Variants in SYT7 observed in about 807,000 individuals in gnomAD.
SYT7 encodes the protein synaptotagmin 7, also known as synaptotagmin-7.
Under a neutral mutation model 75.1 loss-of-function variants are expected in SYT7, and 29 were observed. The ratio of observed to expected loss-of-function variants is 0.39; its 90% confidence interval spans 0.29 to 0.53. The LOEUF is 0.53. SYT7 is among the 20% of genes least tolerant of loss of function. SYT7 has a pLI of 0.77. For missense variants in SYT7, 693 were observed against 953.2 expected (o/e 0.73, Z 3.59); for synonymous variants, 376 against 401.7 (o/e 0.94, Z 0.76).
chr11:61,517,822 A>T lies in SYT7; in HGVS notation c.*805T>A. 8.0e-5 allele frequency: 17 copies of T among 212,670 alleles called. No individual in the cohort carries two copies. Among genetic ancestry groups the T allele is most frequent in the Non-Finnish European group, 1.4e-4 (16 of 112,662 alleles). 13.2% of individuals were successfully genotyped at this position (212,670 alleles called of 1,614,324 possible). Reference sequence around the variant, plus strand: ...GGGAACTACTTCAGATTCTGAGCAGAGGGGGGCACCAAGGGGAGAAGGGGA... The same window carrying T: ...GGGAACTACTTCAGATTCTGAGCAGTGGGGGGCACCAAGGGGAGAAGGGGA... On this transcript the variant is annotated 3_prime_UTR_variant, in exon 13 of 13. Transcript: ENST00000539008.
At chr11:61,527,335 GTTA>G (rs1451194764) in intron 9 of SYT7, among the ~76,000 whole-genome samples, 1 of 152,210 alleles carries the variant, frequency 6.6e-6, no homozygotes, top group African/African-American at 2.4e-5. Context: ...AACCCTCGCT[GTTA>G]TTATCTCTAT....
rs988163029 is a variant in SYT7 at position 61,580,165 on chromosome 11, C to T, written c.31+625G>A. Reference sequence around the variant, plus strand: ...TTCCCCCTCCCCAAACCTAGGAGAACATTCTCTTGGCACCCCCATTCTCAT... The same window carrying T: ...TTCCCCCTCCCCAAACCTAGGAGAATATTCTCTTGGCACCCCCATTCTCAT... On this transcript the variant is annotated intron_variant, in intron 1 of 12. Transcript: ENST00000539008. The surrounding 1 kb of genome is among the most constrained non-coding windows in gnomAD (Gnocchi z 6.1). Among the ~76,000 whole-genome samples the T allele has an allele frequency of 1.3e-5, 2 of 150,644 alleles. No homozygotes were observed. Among genetic ancestry groups the T allele is most frequent in the Non-Finnish European group, 3.0e-5 (2 of 67,714 alleles).
At chr11:61,543,301 G>C (rs2063099781) in intron 5 of SYT7, among the ~76,000 whole-genome samples, 1 of 152,186 alleles carries the variant, frequency 6.6e-6, no homozygotes. Flanking sequence ...ACTGGACCAA[G>C]AAAGAGTGCA....
At chr11:61,543,658 G>A (rs1307478742) in intron 5 of SYT7, among the ~76,000 whole-genome samples, 1 of 152,222 alleles carries the variant, frequency 6.6e-6, no homozygotes. Flanking sequence ...TTGCCATGAG[G>A]ATCTAATGAG....
chr11:61,588,201 G>A, the SYT7 span, among the ~76,000 whole-genome samples: 1 of 152,168 alleles, frequency 6.6e-6, no homozygotes, highest in African/African-American at 2.4e-5. Context: ...GAGCTGCTGG[G>A]CTCCTTGGTT....
At chr11:61,537,346 C>T (rs1228049202) in intron 7 of SYT7, among the ~76,000 whole-genome samples, 2 of 151,982 alleles carry the variant, frequency 1.3e-5, no homozygotes, top group Non-Finnish European at 2.9e-5. Flanking sequence ...CCCACCCCCT[C>T]CCTGAGACGG....
At chr11:61,559,546 C>T (rs1207791768) in intron 1 of SYT7, among the ~76,000 whole-genome samples, 1 of 152,090 alleles carries the variant, frequency 6.6e-6, no homozygotes, top group Non-Finnish European at 1.5e-5. Context: ...GTTTCACAAG[C>T]TCATGATCTG....
intron 1 of SYT7, among the ~76,000 whole-genome samples, chr11:61,574,038 A>C (rs575815281): frequency 3.3e-5 from 5 of 152,318 alleles, no homozygotes; most frequent in South Asian, 2.1e-4. Flanking sequence ...ATGGTAACCT[A>C]ACTGACACTG....
At chr11:61,522,818 C>T (rs2062387114) in intron 12 of SYT7, among the ~76,000 whole-genome samples, 1 of 152,316 alleles carries the variant, frequency 6.6e-6, no homozygotes, top group Middle Eastern at 3.4e-3. Context: ...TCTTGCACTC[C>T]TTTTCTCCCT....
Position 61,518,863 on chromosome 11 carries a change from A to G in SYT7, c.1957-132T>C. Reference sequence around the variant, plus strand: ...CCCCCAGCCTCCACATGCTGTGACAACCTACCCCACAGAGGCGCTCTCCTC... The same window carrying G: ...CCCCCAGCCTCCACATGCTGTGACAGCCTACCCCACAGAGGCGCTCTCCTC... On this transcript the variant is annotated intron_variant, in intron 12 of 12. Transcript: ENST00000539008. 3 of 536,452 alleles carry G rather than the reference A, an allele frequency of 5.6e-6. No individual in the cohort carries two copies. The South Asian group carries it at 1.1e-4, about 21-fold the overall frequency. The allele number at this position is 536,452 out of a possible 1,614,324, so 33.2% of individuals were successfully genotyped here.
At position 61,562,349 on chromosome 11, in the gene SYT7, T is replaced by A. The variant is rs1216849684; in HGVS notation, c.32-6142A>T. Among the ~76,000 whole-genome samples the A allele has an allele frequency of 4.6e-5, 7 of 152,330 alleles. No individual in the cohort carries two copies. The East Asian group carries it at 1.3e-3, about 29-fold the overall frequency. ...TCTGATTCTTCCAAGCCATGTAACC[T>A]AATCTCTGTGTGCCTTGGTTTCCCC... On this transcript the variant is annotated intron_variant, in intron 1 of 12. Coordinates refer to ENST00000539008, the MANE Select transcript of SYT7 (RefSeq NM_001365809.2).
chr11:61,557,043 C>T (rs779486206), intron 1 of SYT7, among the ~76,000 whole-genome samples: 3 of 152,236 alleles, frequency 2.0e-5, no homozygotes, highest in Non-Finnish European at 2.9e-5. Flanking sequence ...ACCCCTTCCC[C>T]GGCTGTGTGG....
intron 6 of SYT7, among the ~76,000 whole-genome samples, chr11:61,539,228 G>A (rs528920757): frequency 4.9e-4 from 74 of 152,338 alleles, no homozygotes; most frequent in Admixed American, 1.9e-3. Flanking sequence ...AGGCTGAACG[G>A]GGAGGGGGTA....
At chr11:61,586,350 C>G in the SYT7 span, among the ~76,000 whole-genome samples, 4 of 152,212 alleles carry the variant, frequency 2.6e-5, no homozygotes, top group African/African-American at 9.6e-5. Flanking sequence ...CATTCCCTAC[C>G]CCTTGGGCAG....
Position 61,523,007 on chromosome 11 carries a change from T to G in SYT7, c.1956+68A>C, listed in dbSNP as rs1343761850. 6.5e-7 allele frequency: 1 copy of G among 1,549,710 alleles called. No homozygotes were observed. Among genetic ancestry groups the G allele is most frequent in the Non-Finnish European group, 8.9e-7 (1 of 1,124,018 alleles). ...GCCTGTGCCCGTCCACTACCCCCGC[T>G]GCTTCTTTTAAGGAACGGAGCCTCA... On this transcript the variant is annotated intron_variant, in intron 12 of 12. Transcript: ENST00000539008. The surrounding 1 kb of genome is among the most constrained non-coding windows in gnomAD (Gnocchi z 5.0).
chr11:61,546,769 C>T lies in SYT7; in HGVS notation c.347+408G>A. 2.6e-6 allele frequency: 1 copy of T among 390,590 alleles called. No individual in the cohort carries two copies. The highest frequency in any genetic ancestry group is 1.9e-5 in the South Asian group (1 of 53,838). 24.2% of individuals were successfully genotyped at this position (390,590 alleles called of 1,614,324 possible). A position where few individuals can be genotyped will look rare whatever the true frequency, so the allele number is the denominator to read the frequency against. On this transcript the variant is annotated intron_variant, in intron 4 of 12. Coordinates refer to ENST00000539008, the MANE Select transcript of SYT7 (RefSeq NM_001365809.2). The surrounding 1 kb of genome is among the most constrained non-coding windows in gnomAD (Gnocchi z 7.6). ...GCCACCACCGCCACGAACCACCGAC[C>T]ACCGACCACCGACCACCGAGCAGCC...
chr11:61,513,817 C>T lies in SYT7; in HGVS notation c.*4810G>A, dbSNP rs2062101034. ...CAGGGGGCTCACAATCTACACAAGA[C>T]ACGACACATACACGCAGGACACAGA... On this transcript the variant is annotated 3_prime_UTR_variant, in exon 13 of 13. Coordinates refer to ENST00000539008, the MANE Select transcript of SYT7 (RefSeq NM_001365809.2). Among the ~76,000 whole-genome samples the T allele has an allele frequency of 6.6e-6, 1 of 152,208 alleles. No individual in the cohort carries two copies. Among genetic ancestry groups the T allele is most frequent in the Admixed American group, 6.5e-5 (1 of 15,288 alleles).
At position 61,527,883 on chromosome 11, in the gene SYT7, ACCATGGCGGGGGAAGGTGGC is replaced by A. The variant is rs1192181026; in HGVS notation, c.1471+12_1471+31del. ...GGGGGATGGTAGACAGCAAGAGGTG[ACCATGGCGGGGGAAGGTGGC>A]ACTAGACTCACCTTCAAAGAGGAAG... On this transcript the variant is annotated intron_variant, in intron 9 of 12. Coordinates refer to ENST00000539008, the MANE Select transcript of SYT7 (RefSeq NM_001365809.2). The A allele has an allele frequency of 6.2e-7, 1 of 1,609,170 alleles. No homozygotes were observed.
chr11:61,542,444 C>G lies in SYT7; in HGVS notation c.708G>C (p.Arg236=). 1 of 1,532,892 alleles carries G rather than the reference C, an allele frequency of 6.5e-7. No individual in the cohort carries two copies. Among genetic ancestry groups the G allele is most frequent in the Non-Finnish European group, 8.7e-7 (1 of 1,146,124 alleles). The allele number at this position is 1,532,892 out of a possible 1,614,324, so 95.0% of individuals were successfully genotyped here. A position where few individuals can be genotyped will look rare whatever the true frequency, so the allele number is the denominator to read the frequency against. Residue 236 remains arginine, a synonymous_variant, in exon 6 of 13, where the codon CGG becomes CGC. Coordinates refer to ENST00000539008, the MANE Select transcript of SYT7 (RefSeq NM_001365809.2). The surrounding 1 kb of genome is among the most constrained non-coding windows in gnomAD (Gnocchi z 7.8). ...TGGTGGGCTGGCTGGGCTGCCGGCC[C>G]CGCTGGTGCTGGCTCAGCGGCTGTT... The part of the protein sequence containing the change: ...SLQQPLSQHQ[R]GRQPSQPTTS...
Sources: gnomAD v4.1 joint callset for allele counts (sites outside exome capture counted in the v4.1 genomes callset) on GRCh38, gnomAD v4.1.1 for gene constraint, Gnocchi (gnomAD v3.1) non-coding constraint, MANE v1.5 for transcripts, NCBI Gene and HGNC (gene_info 2026-07-23, HGNC 2026-07-21) for gene names.